NUP58: variants seen among roughly 807,000 people sequenced by gnomAD.
The protein encoded by NUP58 is nucleoporin 58, also known as nucleoporin p58/p45.
NUP58 carries 17 observed loss-of-function variants against 70.1 expected under a neutral mutation model. The ratio of observed to expected loss-of-function variants is 0.24; its 90% CI spans 0.17 to 0.36. The LOEUF is 0.36. Ranked by LOEUF, NUP58 falls within the 10% of genes least tolerant of loss-of-function variation. NUP58 has a pLI of 1.00. For synonymous variants in NUP58, 275 were observed against 257.6 expected (o/e 1.07, Z -0.65); for missense variants, 644 against 701.5 (o/e 0.92, Z 0.93).
intron 1 of NUP58, among the ~76,000 whole-genome samples, chr13:25,306,393 CAAA>C (rs1030000370): frequency 1.6e-4 from 9 of 55,522 alleles, no homozygotes; most frequent in Admixed American, 3.8e-4. Flanking sequence ...GACTCCGTCT[CAAA>C]AAAAAAAAAA....
chr13:25,334,011 A>C, intron 13 of NUP58: 1 of 985,328 alleles, frequency 1.0e-6, no homozygotes, highest in South Asian at 4.7e-5. Flanking sequence ...GAGGAGGAAT[A>C]GACTTAAACG....
Position 25,340,083 on chromosome 13 carries a change from A to G in NUP58, c.1749A>G (p.Gln583=), listed in dbSNP as rs79088640. The change falls in exon 16 of 16, where the codon CAA becomes CAG. Residue 583 remains glutamine (Q), a synonymous_variant. Coordinates refer to ENST00000381736, the MANE Select transcript of NUP58 (RefSeq NM_014089.4). The stretch of plus-strand genomic sequence containing the variant: ...CTGCAGGTTTTGGAACAGGAGGACA[A>G]CTCCTTCAGTTGAAGAAACCTCCAG... ...PASAGFGTGG[Q]LLQLKKPPAG... 4.5e-3 allele frequency: 7,292 copies of G among 1,613,618 alleles called. 216 individuals carry two copies. In the East Asian group the frequency reaches 0.082, roughly 18 times the overall value.
At chr13:25,337,298 C>T (rs1016762217) in intron 14 of NUP58, among the ~76,000 whole-genome samples, 1 of 152,110 alleles carries the variant, frequency 6.6e-6, no homozygotes, top group Non-Finnish European at 1.5e-5. Flanking sequence ...TATGCTGACA[C>T]ATGAACTTGA....
chr13:25,320,999 A>T lies in NUP58; in HGVS notation c.857A>T (p.Asp286Val), dbSNP rs759277381. ...SSKAMLKVQE[D>V]IKALKQLLSL... ...AAAGCAATGCTTAAGGTACAAGAAG[A>T]TATTAAAGCTCTGAAGCAGCTCCTG... is the stretch of plus-strand genomic sequence containing the variant. Residue 286 changes from aspartate to valine, a missense_variant, in exon 9 of 16, where the codon GAT (aspartate) becomes GTT (valine). Around this residue, in one of 4 missense-constraint regions of NUP58, gnomAD observed 430 missense variants for 409.2 expected, o/e 1.05. Coordinates refer to ENST00000381736, the MANE Select transcript of NUP58 (RefSeq NM_014089.4). 1 of 1,600,744 alleles carries T rather than the reference A, an allele frequency of 6.2e-7. No homozygotes were observed. The highest frequency in any genetic ancestry group is 1.8e-5 in the Admixed American group (1 of 57,038).
intron 3 of NUP58, among the ~76,000 whole-genome samples, chr13:25,348,831 G>T (rs191665062): frequency 1.3e-5 from 2 of 152,146 alleles, no homozygotes; most frequent in Admixed American, 1.3e-4. Context: ...CACAAACAGG[G>T]TCATGTCAAG....
intron 12 of NUP58, 55 bp from the exon 13 acceptor site, chr13:25,331,302 T>C (rs966393047): frequency 2.6e-5 from 39 of 1,495,628 alleles, no homozygotes; most frequent in Non-Finnish European, 3.3e-5. Flanking sequence ...CATCCACATA[T>C]TAACCATAGT....
chr13:25,309,367 C>G, intron 3 of NUP58, 85 bp downstream of exon 3: 1 of 1,049,344 alleles, frequency 9.5e-7, no homozygotes, highest in Non-Finnish European at 1.4e-6. Flanking sequence ...CTTCTCTCTT[C>G]TAATATTTCA....
intron 1 of NUP58, among the ~76,000 whole-genome samples, chr13:25,305,142 T>TTTGTTTG (rs2030268518): frequency 3.1e-4 from 4 of 12,914 alleles, no homozygotes; most frequent in Non-Finnish European, 1.8e-3. Flanking sequence ...TTTTTTTTTT[T>TTTGTTTG]TTTTTTTTTT....
rs1290957751 is a variant in NUP58, at chr13:25,341,962, A to G, written c.*1828A>G. On this transcript the variant is annotated 3_prime_UTR_variant, in exon 16 of 16. Transcript: ENST00000381736. The stretch of plus-strand genomic sequence containing the variant: ...TGTATAATGTTGGGTTTGATTATAA[A>G]AGTGTTGTCAAATGTTTTATTTATC... 1 of 152,178 alleles carries G rather than the reference A, an allele frequency of 6.6e-6. No individual in the cohort carries two copies. Among genetic ancestry groups the G allele is most frequent in the African/African-American group, 2.4e-5 (1 of 41,452 alleles). The allele number at this position is 152,178 out of a possible 1,614,324, so 9.4% of individuals were successfully genotyped here.
chr13:25,308,126 T>G, intron 2 of NUP58, 178 bp downstream of exon 2: 1 of 547,906 alleles, frequency 1.8e-6, no homozygotes, highest in Non-Finnish European at 3.1e-6. Context: ...GGCCCAATCA[T>G]TGACTGTCAT....
At chr13:25,311,235 GCAGGTTGGGAC>G (rs1333892649) in intron 3 of NUP58, among the ~76,000 whole-genome samples, 13 of 152,132 alleles carry the variant, frequency 8.5e-5, no homozygotes, top group African/African-American at 3.1e-4. Context: ...GAATTGAGGA[GCAGGTTGGGAC>G]CAGATAGGAA....
At chr13:25,332,310 G>T (rs2031636858) in intron 13 of NUP58, 1 of 985,288 alleles carries the variant, frequency 1.0e-6, no homozygotes. Flanking sequence ...CATTTTTTGT[G>T]GTCATTCTAC....
In NUP58 at chr13:25,323,398, A is replaced by G. The variant is rs2031267578; in HGVS notation, c.952-1591A>G. Reference sequence around the variant, plus strand: ...TTAAATTAAAAAAAAAAAGATTTTTATTTCATGCTCACCAGGTCAAAGGGG... The same window carrying G: ...TTAAATTAAAAAAAAAAAGATTTTTGTTTCATGCTCACCAGGTCAAAGGGG... On this transcript the variant is annotated intron_variant, in intron 9 of 15. Coordinates refer to ENST00000381736, the MANE Select transcript of NUP58 (RefSeq NM_014089.4). Among the ~76,000 whole-genome samples, 4 of 151,902 alleles carry G rather than the reference A, an allele frequency of 2.6e-5. No individual in the cohort carries two copies. The South Asian group carries it at 8.3e-4, about 32-fold the overall frequency.
At chr13:25,305,146 T>TGTTTGTTTG (rs1491541843) in intron 1 of NUP58, among the ~76,000 whole-genome samples, 907 of 41,692 alleles carry the variant, frequency 0.022, 10 homozygotes, top group South Asian at 0.054. Flanking sequence ...TTTTTTTTTT[T>TGTTTGTTTG]TTTTTTTTTT....
intron 6 of NUP58, among the ~76,000 whole-genome samples, chr13:25,317,284 G>A (rs1462750951): frequency 4.6e-5 from 7 of 152,172 alleles, no homozygotes; most frequent in African/African-American, 1.7e-4. Flanking sequence ...TTGCCATGTT[G>A]AGTTTTGTCA....
intron 12 of NUP58, among the ~76,000 whole-genome samples, chr13:25,331,127 A>G (rs926227669): frequency 6.6e-6 from 1 of 152,192 alleles, no homozygotes; most frequent in African/African-American, 2.4e-5. Context: ...CAAAGACAGT[A>G]TTTTAGGAAG....
At chr13:25,318,007 G>A (rs910562583) in intron 6 of NUP58, among the ~76,000 whole-genome samples, 10 of 151,986 alleles carry the variant, frequency 6.6e-5, no homozygotes, top group African/African-American at 2.2e-4. Flanking sequence ...GGGACCACAA[G>A]TACGCAGCAC....
chr13:25,310,000 T>A (rs1459189105), intron 3 of NUP58: 4 of 404,616 alleles, frequency 9.9e-6, no homozygotes, highest in Non-Finnish European at 2.0e-5. Context: ...TTGGACTGGA[T>A]CAGCTGCAAA....
chr13:25,311,878 G>C (rs2030687030), intron 3 of NUP58, among the ~76,000 whole-genome samples: 1 of 152,108 alleles, frequency 6.6e-6, no homozygotes, highest in African/African-American at 2.4e-5. Flanking sequence ...GAGTACAGGA[G>C]AAGGAAAGGA....
Sources: gnomAD v4.1 joint callset for allele counts (sites outside exome capture counted in the v4.1 genomes callset) on GRCh38, gnomAD v4.1.1 for gene constraint, gnomAD v4.1.1 regional missense constraint, MANE v1.5 for transcripts, NCBI Gene and HGNC (gene_info 2026-07-23, HGNC 2026-07-21) for gene names.